AKAP6: variants seen among roughly 807,000 people sequenced by gnomAD.
AKAP6 encodes A-kinase anchor protein 6.
A neutral mutation model predicts 188.5 loss-of-function variants in AKAP6; 58 were observed. The observed-to-expected ratio is 0.31, with a 90% CI of 0.25 to 0.38. The LOEUF (loss-of-function observed/expected upper bound fraction) is 0.38. Among genes scored for constraint, AKAP6 ranks in the 10% least tolerant of loss-of-function variants. The pLI is 1.00. For missense variants in AKAP6, 2,710 were observed against 2,740.0 expected, an observed-to-expected ratio of 0.99 and a Z score of 0.24; for synonymous variants, 989 against 998.6, an observed-to-expected ratio of 0.99 and a Z score of 0.18.
intron 1 of AKAP6, among the ~76,000 whole-genome samples, chr14:32,419,879 TACAAAAACAAAAACAAAA>T (rs138682278): frequency 0.013 from 2,010 of 151,544 alleles, 50 homozygotes; most frequent in African/African-American, 0.046. Flanking sequence ...TGACATTCTC[TACAAAAACAAAAACAAAA>T]ACAAAAACAA....
intron 13 of AKAP6, among the ~76,000 whole-genome samples, chr14:32,828,237 A>G (rs947173639): frequency 5.3e-5 from 8 of 152,156 alleles, no homozygotes; most frequent in African/African-American, 1.4e-4. Context: ...TGCACACAGC[A>G]CAATTCCCAT....
At chr14:32,393,142 T>G (rs866194993) in intron 1 of AKAP6, among the ~76,000 whole-genome samples, 2 of 152,156 alleles carry the variant, frequency 1.3e-5, no homozygotes, top group African/African-American at 2.4e-5. Flanking sequence ...TACAGTAACT[T>G]TATGTTGGAT....
intron 7 of AKAP6, among the ~76,000 whole-genome samples, chr14:32,665,107 A>G (rs1284595713): frequency 1.3e-5 from 2 of 152,068 alleles, no homozygotes; most frequent in African/African-American, 4.8e-5. Flanking sequence ...TTCTGTGACC[A>G]TATTTGGGGG....
At position 32,577,112 on chromosome 14, in the gene AKAP6, T is replaced by G; in HGVS notation, c.2347-8T>G. On this transcript the variant is annotated splice_region_variant and splice_polypyrimidine_tract_variant and intron_variant, in intron 4 of 13. Coordinates refer to ENST00000280979, the MANE Select transcript of AKAP6 (RefSeq NM_004274.5). ...CCCTTTTTTTCCCCTTTTCTTTCCT[T>G]TCACAAGGGGTTTGTAAACAAACTG... 1 of 1,599,142 alleles carries G rather than the reference T, an allele frequency of 6.3e-7. No homozygotes were observed. The highest frequency in any genetic ancestry group is 1.8e-5 in the Admixed American group (1 of 54,976).
At chr14:32,426,855 G>A (rs1018825476) in intron 1 of AKAP6, among the ~76,000 whole-genome samples, 2 of 152,148 alleles carry the variant, frequency 1.3e-5, no homozygotes, top group African/African-American at 4.8e-5. Flanking sequence ...TTGGGGAGAG[G>A]GGTAGGAGGA....
chr14:32,609,642 A>T (rs1172284765), intron 7 of AKAP6, among the ~76,000 whole-genome samples: 2 of 152,104 alleles, frequency 1.3e-5, no homozygotes, highest in African/African-American at 2.4e-5. Flanking sequence ...GAAGAGGGAG[A>T]GGGAAAAAAG....
At chr14:32,360,754 T>G (rs910709026) in intron 1 of AKAP6, among the ~76,000 whole-genome samples, 9 of 145,112 alleles carry the variant, frequency 6.2e-5, no homozygotes, top group African/African-American at 2.3e-4. Context: ...TGTGTGTGCA[T>G]GCATTTTTTG....
chr14:32,519,813 C>T (rs1316154049), intron 2 of AKAP6, among the ~76,000 whole-genome samples: 1 of 152,102 alleles, frequency 6.6e-6, no homozygotes, highest in Middle Eastern at 3.2e-3. Context: ...CAAGGATATC[C>T]AGGAATTCAA....
intron 2 of AKAP6, among the ~76,000 whole-genome samples, chr14:32,528,416 C>A (rs1027561088): frequency 6.6e-6 from 1 of 151,944 alleles, no homozygotes; most frequent in East Asian, 1.9e-4. Context: ...GTTCCAGCAC[C>A]GTTTGTTGAA....
chr14:32,449,718 T>G (rs1249598041), intron 2 of AKAP6, among the ~76,000 whole-genome samples: 1 of 152,108 alleles, frequency 6.6e-6, no homozygotes, highest in Non-Finnish European at 1.5e-5. Context: ...TAGAACAAAT[T>G]AGATTCCAAG....
intron 7 of AKAP6, among the ~76,000 whole-genome samples, chr14:32,638,655 C>T (rs1185851733): frequency 6.6e-6 from 1 of 151,824 alleles, no homozygotes; most frequent in Non-Finnish European, 1.5e-5. Flanking sequence ...CTTTCTCTTT[C>T]CCTCTCTTTT....
chr14:32,439,861 A>G (rs919247495), intron 2 of AKAP6, among the ~76,000 whole-genome samples: 1 of 152,204 alleles, frequency 6.6e-6, no homozygotes, highest in Non-Finnish European at 1.5e-5. Context: ...AATTTATACC[A>G]TCTTTGAGTG....
intron 7 of AKAP6, among the ~76,000 whole-genome samples, chr14:32,669,883 G>A (rs922498342): frequency 2.0e-5 from 3 of 152,086 alleles, no homozygotes; most frequent in Non-Finnish European, 4.4e-5. Flanking sequence ...GATCACTTGA[G>A]GTCAGGAGTT....
intron 7 of AKAP6, among the ~76,000 whole-genome samples, chr14:32,642,445 C>T (rs972682103): frequency 6.6e-6 from 1 of 152,166 alleles, no homozygotes; most frequent in Non-Finnish European, 1.5e-5. Flanking sequence ...TCATGCGTCT[C>T]TATTTCAGGC....
intron 7 of AKAP6, among the ~76,000 whole-genome samples, chr14:32,632,180 G>A (rs1175166864): frequency 2.0e-5 from 3 of 151,928 alleles, no homozygotes; most frequent in Non-Finnish European, 2.9e-5. Context: ...TCTTGTCCAG[G>A]TAAACAATAA....
intron 7 of AKAP6, among the ~76,000 whole-genome samples, chr14:32,646,768 T>C (rs1396004963): frequency 1.3e-5 from 2 of 152,094 alleles, no homozygotes; most frequent in Non-Finnish European, 2.9e-5. Context: ...TCTAGTTCCA[T>C]CTTCATTGAA....
chr14:32,739,071 G>T (rs993883501), intron 11 of AKAP6, among the ~76,000 whole-genome samples: 8 of 151,926 alleles, frequency 5.3e-5, no homozygotes, highest in African/African-American at 1.9e-4. Flanking sequence ...TTGCATTAGG[G>T]GGACAAAAAG....
intron 12 of AKAP6, among the ~76,000 whole-genome samples, chr14:32,801,501 C>T (rs1193011190): frequency 1.2e-4 from 18 of 152,082 alleles, no homozygotes; most frequent in Non-Finnish European, 2.5e-4. Flanking sequence ...TCACCCAGTA[C>T]GTTGTTACTA....
At chr14:32,657,277 A>G (rs1888493122) in intron 7 of AKAP6, among the ~76,000 whole-genome samples, 2 of 152,178 alleles carry the variant, frequency 1.3e-5, no homozygotes, top group African/African-American at 2.4e-5. Flanking sequence ...ATGCTGACTC[A>G]TGCTGACCCT....
Sources: allele counts gnomAD v4.1 joint callset (sites outside exome capture counted in the v4.1 genomes callset), GRCh38; gene constraint gnomAD v4.1.1; transcripts MANE v1.5; gene names NCBI Gene and HGNC (gene_info 2026-07-23, HGNC 2026-07-21).